The following MUSK variants were observed in gnomAD, a reference collection of about 807,000 sequenced individuals.
The protein encoded by MUSK is muscle associated receptor tyrosine kinase.
In MUSK, 55 loss-of-function variants were observed where a neutral mutation model predicts 88.7. The observed-to-expected ratio is 0.62, with a 90% CI of 0.50 to 0.78. The LOEUF (loss-of-function observed/expected upper bound fraction) is 0.78, where lower values mean the gene tolerates loss of function less well. Among genes scored for constraint, MUSK ranks in the 30% least tolerant of loss-of-function variants. The pLI, the probability that MUSK is intolerant of heterozygous loss-of-function variation, is 0.00. For synonymous variants in MUSK, 387 were observed against 391.9 expected, an observed-to-expected ratio of 0.99 and a Z score of 0.15; for missense variants, 1,015 against 1,074.3, an observed-to-expected ratio of 0.94 and a Z score of 0.77.
At chr9:110,715,493 C>CT (rs946461428) in intron 5 of MUSK, among the ~76,000 whole-genome samples, 3 of 148,818 alleles carry the variant, frequency 2.0e-5, no homozygotes, top group Admixed American at 2.0e-4. Context: ...AAGATTTTGA[C>CT]TTCCCAACCT....
intron 5 of MUSK, among the ~76,000 whole-genome samples, chr9:110,701,894 A>C (rs1333621840): frequency 9.3e-6 from 1 of 107,986 alleles, no homozygotes; most frequent in Non-Finnish European, 1.8e-5. Flanking sequence ...ATTTTATTTT[A>C]TTTTATTTTA....
intron 5 of MUSK, among the ~76,000 whole-genome samples, chr9:110,733,903 G>A (rs2076995321): frequency 6.6e-6 from 1 of 152,102 alleles, no homozygotes; most frequent in African/African-American, 2.4e-5. Context: ...GATGTTGTGT[G>A]AGTAAGAAGG....
chr9:110,777,351 T>C (rs886843938), intron 11 of MUSK, among the ~76,000 whole-genome samples: 1 of 152,142 alleles, frequency 6.6e-6, no homozygotes, highest in Non-Finnish European at 1.5e-5. Flanking sequence ...CTTCCTGTAA[T>C]ACATATTCCA....
At chr9:110,784,534 T>A (rs186508434) in intron 11 of MUSK, among the ~76,000 whole-genome samples, 1 of 152,184 alleles carries the variant, frequency 6.6e-6, no homozygotes, top group East Asian at 1.9e-4. Flanking sequence ...AGGTCATAGA[T>A]AATATGATTC....
intron 8 of MUSK, 94 bp from the exon 9 acceptor site, chr9:110,767,726 A>T: frequency 7.2e-7 from 1 of 1,391,914 alleles, no homozygotes. Context: ...CCTATTTCTG[A>T]GACACAGATG....
intron 1 of MUSK, among the ~76,000 whole-genome samples, chr9:110,670,070 C>T (rs368298469): frequency 4.3e-5 from 6 of 141,032 alleles, no homozygotes; most frequent in African/African-American, 1.8e-4. Context: ...AAATAAGATG[C>T]GGGTTTCTTC....
At position 110,767,966 on chromosome 9, in the gene MUSK, G is replaced by A. The variant is rs780387236; in HGVS notation, c.1067G>A (p.Trp356Ter). ...EAQELLVHTA[W>*]NELKVVSPVC... is the part of the protein sequence containing the mutation. ...CAAGAGCTACTGGTCCACACGGCCT[G>A]GAATGAACTGAAAGTAGTGAGCCCA... Residue 356 changes from tryptophan (W) to a stop codon, truncating the protein, a stop_gained, in exon 9 of 15, where the codon TGG (tryptophan) becomes TAG (stop). Coordinates refer to ENST00000374448, the MANE Select transcript of MUSK (RefSeq NM_005592.4). LOFTEE classifies it high-confidence loss of function. 1 of 1,613,940 alleles carries A rather than the reference G, an allele frequency of 6.2e-7. No individual in the cohort carries two copies. Among genetic ancestry groups the A allele is most frequent in the South Asian group, 1.1e-5 (1 of 91,074 alleles).
Position 110,805,460 on chromosome 9 carries a change from A to G in MUSK, c.*4472A>G, listed in dbSNP as rs2078149306. Among the ~76,000 whole-genome samples the G allele has an allele frequency of 6.6e-6, 1 of 151,910 alleles. No individual in the cohort carries two copies. Among genetic ancestry groups the G allele is most frequent in the Admixed American group, 6.6e-5 (1 of 15,244 alleles). ...AAATTGAACATTGTTTAATGTTTTGAGGATACTTGATTGGTGATTTGCCTC... is the reference window on the plus strand; with the variant it reads ...AAATTGAACATTGTTTAATGTTTTGGGGATACTTGATTGGTGATTTGCCTC... On this transcript the variant is annotated 3_prime_UTR_variant, in exon 15 of 15. Transcript: ENST00000374448.
chr9:110,760,901 T>C lies in MUSK; in HGVS notation c.914-1301T>C, dbSNP rs571395615. Among the ~76,000 whole-genome samples, 6 of 152,320 alleles carry C rather than the reference T, an allele frequency of 3.9e-5. No individual in the cohort carries two copies. In the South Asian group the frequency reaches 8.3e-4, roughly 21 times the overall value. Reference sequence around the variant, plus strand: ...AAGATTGACCTCTCAGAGAAATTCATGTTACAGCCCTTAAAAATCCCCCCC... The same window carrying C: ...AAGATTGACCTCTCAGAGAAATTCACGTTACAGCCCTTAAAAATCCCCCCC... On this transcript the variant is annotated intron_variant, in intron 7 of 14. Transcript: ENST00000374448.
chr9:110,724,120 TA>T (rs2076852528), intron 5 of MUSK, among the ~76,000 whole-genome samples: 1 of 152,070 alleles, frequency 6.6e-6, no homozygotes, highest in African/African-American at 2.4e-5. Flanking sequence ...CTAGCATTTC[TA>T]CTATTATATG....
rs1564269109 is a variant in MUSK, at chr9:110,755,981, T to TATATATATATATATAC, written c.914-6206_914-6205insCATATATATATATATA. Reference sequence around the variant, plus strand: ...ATATATATACATATATATATATACATATATATATATATATATGAATTTATT... The same window carrying TATATATATATATATAC: ...ATATATATACATATATATATATACATATATATATATATATACATATATATATATATATGAATTTATT... On this transcript the variant is annotated intron_variant, in intron 7 of 14. Transcript: ENST00000374448. 2.5e-4 allele frequency among the ~76,000 whole-genome samples: 27 copies of TATATATATATATATAC among 108,120 alleles called. 1 individual carries two copies. The highest frequency in any genetic ancestry group is 5.6e-3 in the Middle Eastern group (1 of 180). The allele number at this position is 108,120 out of a possible 152,430, so 70.9% of individuals were successfully genotyped here.
At chr9:110,783,348 T>C (rs2077794859) in intron 11 of MUSK, among the ~76,000 whole-genome samples, 1 of 152,118 alleles carries the variant, frequency 6.6e-6, no homozygotes, top group Non-Finnish European at 1.5e-5. Context: ...TATGGAAATT[T>C]TATCTCTTTC....
chr9:110,796,979 G>GAA (rs2078004133), intron 14 of MUSK, among the ~76,000 whole-genome samples: 1 of 42,520 alleles, frequency 2.4e-5, no homozygotes, highest in Non-Finnish European at 4.5e-5. Flanking sequence ...GGTCAGGGGA[G>GAA]GGGGGAGGGA....
chr9:110,676,171 T>A (rs3001136), intron 1 of MUSK, among the ~76,000 whole-genome samples: 57,882 of 151,154 alleles, frequency 0.38, 12,418 homozygotes, highest in African/African-American at 0.54. Flanking sequence ...TTCATTTTTT[T>A]AAAAAATCCT....
In MUSK at chr9:110,787,716, C is replaced by A; in HGVS notation, c.1805C>A (p.Pro602His). ...GCACCAGGCTTACTTCCCTATGAAC[C>A]TTTCACTATGGTGGCAGTAAAGATG... Reference protein sequence around the residue: ...ARAPGLLPYEPFTMVAVKMLK... With the variant: ...ARAPGLLPYEHFTMVAVKMLK... The change falls in exon 14 of 15, where the codon CCT becomes CAT. Residue 602 changes from proline (P) to histidine (H), a missense_variant. By Grantham distance (77) the Pro-to-His change is moderately conservative. Transcript: ENST00000374448. 6.2e-7 allele frequency: 1 copy of A among 1,613,896 alleles called. No homozygotes were observed. Among genetic ancestry groups the A allele is most frequent in the Non-Finnish European group, 8.5e-7 (1 of 1,179,858 alleles).
At chr9:110,762,049 TG>T in intron 7 of MUSK, 152 bp from the exon 8 acceptor site, 1 of 771,234 alleles carries the variant, frequency 1.3e-6, no homozygotes, top group Non-Finnish European at 1.6e-6. Context: ...ATGCAGCATC[TG>T]GCCTCCTAGC....
At chr9:110,765,961 T>C (rs1466933832) in intron 8 of MUSK, among the ~76,000 whole-genome samples, 1 of 152,126 alleles carries the variant, frequency 6.6e-6, no homozygotes, top group Non-Finnish European at 1.5e-5. Context: ...GATCTAATGC[T>C]AACAGGCTGA....
At chr9:110,745,764 A>G (rs545670970) in intron 6 of MUSK, among the ~76,000 whole-genome samples, 4 of 152,326 alleles carry the variant, frequency 2.6e-5, no homozygotes, top group East Asian at 1.9e-4. Flanking sequence ...AAATGCCACA[A>G]TACTTGATCT....
intron 1 of MUSK, among the ~76,000 whole-genome samples, chr9:110,680,596 G>A (rs1270313494): frequency 6.6e-6 from 1 of 151,646 alleles, no homozygotes; most frequent in Non-Finnish European, 1.5e-5. Flanking sequence ...ATGTTAGCCA[G>A]GCTGGTCTTG....
Sources: gnomAD v4.1 joint callset for allele counts (sites outside exome capture counted in the v4.1 genomes callset) on GRCh38, gnomAD v4.1.1 for gene constraint, MANE v1.5 for transcripts, NCBI Gene and HGNC (gene_info 2026-07-23, HGNC 2026-07-21) for gene names.